SAMTOR: variants seen among roughly 807,000 people sequenced by gnomAD.
The protein encoded by SAMTOR is UPF0532 protein C7orf60.
At chr7:112,932,230 T>G in the SAMTOR span, among the ~76,000 whole-genome samples, 6 of 152,110 alleles carry the variant, frequency 3.9e-5, no homozygotes, top group African/African-American at 1.4e-4. Context: ...CAGCTCACTA[T>G]TACCATTTTT....
the SAMTOR span, among the ~76,000 whole-genome samples, chr7:112,882,046 C>G: frequency 1.3e-5 from 2 of 152,222 alleles, no homozygotes. Flanking sequence ...TTCCAGGCAC[C>G]ACTGCATTCC....
the SAMTOR span, among the ~76,000 whole-genome samples, chr7:112,938,080 A>T: frequency 5.4e-4 from 82 of 152,322 alleles, no homozygotes; most frequent in Non-Finnish European, 1.0e-3. Context: ...GATAAATTGC[A>T]GGAAAATGTG....
the SAMTOR span, among the ~76,000 whole-genome samples, chr7:112,850,133 G>A: frequency 1.3e-4 from 20 of 152,098 alleles, no homozygotes; most frequent in Non-Finnish European, 2.1e-4. Flanking sequence ...CCCGGGAGGC[G>A]GAGGTTGTGG....
the SAMTOR span, among the ~76,000 whole-genome samples, chr7:112,902,446 A>C: frequency 7.6e-6 from 1 of 131,170 alleles, no homozygotes; most frequent in Non-Finnish European, 1.6e-5. Context: ...AAACAAAAAA[A>C]AACAAAAAAA....
chr7:112,881,520 TG>T, the SAMTOR span, among the ~76,000 whole-genome samples: 2 of 152,154 alleles, frequency 1.3e-5, no homozygotes, highest in Non-Finnish European at 2.9e-5. Context: ...AAACAGACAT[TG>T]GGACTACCAG....
chr7:112,912,723 CTTTTT>C, the SAMTOR span, among the ~76,000 whole-genome samples: 1 of 151,580 alleles, frequency 6.6e-6, no homozygotes, highest in African/African-American at 2.4e-5. Context: ...TGCCACTGTT[CTTTTT>C]TTAACAGTAT....
the SAMTOR span, among the ~76,000 whole-genome samples, chr7:112,897,561 C>A: frequency 6.6e-6 from 1 of 152,002 alleles, no homozygotes; most frequent in Non-Finnish European, 1.5e-5. Flanking sequence ...TCCCCATATA[C>A]CCTCAAAAAA....
the SAMTOR span, among the ~76,000 whole-genome samples, chr7:112,865,570 C>T: frequency 6.7e-6 from 1 of 149,660 alleles, no homozygotes; most frequent in Non-Finnish European, 1.5e-5. Context: ...GCCTCCATGC[C>T]TGGTGTCCCG....
the SAMTOR span, among the ~76,000 whole-genome samples, chr7:112,885,330 T>G: frequency 6.6e-6 from 1 of 152,332 alleles, no homozygotes; most frequent in Non-Finnish European, 1.5e-5. Context: ...CAAATTTCTG[T>G]AGCCAGCTTG....
the SAMTOR span, among the ~76,000 whole-genome samples, chr7:112,829,549 T>A: frequency 6.6e-6 from 1 of 152,198 alleles, no homozygotes; most frequent in Non-Finnish European, 1.5e-5. Context: ...CCTATTTTCT[T>A]GCTGCTTTGC....
chr7:112,911,639 T>C, the SAMTOR span, among the ~76,000 whole-genome samples: 2 of 151,996 alleles, frequency 1.3e-5, no homozygotes, highest in African/African-American at 4.8e-5. Context: ...AACTTTAAAA[T>C]AACTATTTTA....
the SAMTOR span, chr7:112,895,673 A>G: frequency 6.3e-7 from 1 of 1,588,078 alleles, no homozygotes; most frequent in South Asian, 1.1e-5. Flanking sequence ...TGGCAAGTAC[A>G]GCTCTTTTTT....
chr7:112,842,918 A>T, the SAMTOR span, among the ~76,000 whole-genome samples: 1 of 152,048 alleles, frequency 6.6e-6, no homozygotes, highest in Admixed American at 6.6e-5. Flanking sequence ...CTAACTTGAG[A>T]ATCAATACCT....
At chr7:112,929,198 G>A in the SAMTOR span, among the ~76,000 whole-genome samples, 1 of 151,450 alleles carries the variant, frequency 6.6e-6, no homozygotes, top group African/African-American at 2.4e-5. Flanking sequence ...CTGATAAGGG[G>A]TTAATATCCA....
chr7:112,924,137 T>C, the SAMTOR span, among the ~76,000 whole-genome samples: 1 of 151,908 alleles, frequency 6.6e-6, no homozygotes, highest in African/African-American at 2.4e-5. Flanking sequence ...GGCACATGTA[T>C]ACATATGTAA....
the SAMTOR span, chr7:112,822,229 G>A: frequency 6.2e-7 from 1 of 1,613,684 alleles, no homozygotes; most frequent in Non-Finnish European, 8.5e-7. Context: ...GAAAGAAGGA[G>A]AGAGAAAACA....
the SAMTOR span, chr7:112,939,403 G>A: frequency 3.7e-6 from 3 of 814,560 alleles, no homozygotes; most frequent in South Asian, 5.4e-5. Flanking sequence ...TCAAAGAAAA[G>A]GGGGCGGGGA....
At chr7:112,826,736 T>C in the SAMTOR span, among the ~76,000 whole-genome samples, 3 of 152,294 alleles carry the variant, frequency 2.0e-5, no homozygotes, top group South Asian at 6.2e-4. Flanking sequence ...TAAAGGTGTT[T>C]AGTGCTATAA....
the SAMTOR span, among the ~76,000 whole-genome samples, chr7:112,878,419 C>T: frequency 2.0e-5 from 3 of 152,252 alleles, no homozygotes; most frequent in South Asian, 6.2e-4. Context: ...CATTCTCTTC[C>T]TCCCCCAACT....
Sources: allele counts gnomAD v4.1 joint callset (sites outside exome capture counted in the v4.1 genomes callset), GRCh38; gene constraint gnomAD v4.1.1; transcripts MANE v1.5; gene names NCBI Gene and HGNC (gene_info 2026-07-23, HGNC 2026-07-21).